The following FAS variants were observed in gnomAD, a reference collection of about 807,000 sequenced individuals.
FAS encodes tumor necrosis factor receptor superfamily member 6.
Under a neutral mutation model 33.2 loss-of-function variants are expected in FAS, and 5 were observed. The observed-to-expected ratio is 0.15, with a 90% CI of 0.08 to 0.32. The LOEUF (loss-of-function observed/expected upper bound fraction) is 0.32, where lower values mean the gene tolerates loss of function less well. Ranked by LOEUF, FAS falls within the 10% of genes least tolerant of loss-of-function variation. The pLI is 1.00. For missense variants in FAS, 339 were observed against 386.0 expected, an observed-to-expected ratio of 0.88 and a Z score of 1.02; for synonymous variants, 131 against 130.7, an observed-to-expected ratio of 1.00 and a Z score of -0.01.
At chr10:88,976,336 A>G (rs1259403541) in intron 2 of FAS, among the ~76,000 whole-genome samples, 1 of 152,248 alleles carries the variant, frequency 6.6e-6, no homozygotes. Context: ...TATAATAGAT[A>G]ACATATAATT....
chr10:88,986,412 G>A (rs545488769), upstream of FAS, among the ~76,000 whole-genome samples: 2 of 152,326 alleles, frequency 1.3e-5, no homozygotes, highest in South Asian at 2.1e-4. Flanking sequence ...TAACCCAATT[G>A]CTGTCTGCTT....
intron 2 of FAS, chr10:88,973,398 C>G: frequency 2.2e-6 from 3 of 1,365,054 alleles, no homozygotes; most frequent in Non-Finnish European, 2.9e-6. Flanking sequence ...TCATAGAGTT[C>G]CCGATGAAAA....
At chr10:89,002,756 G>A (rs1226048186) in intron 1 of FAS, 3 of 447,764 alleles carry the variant, frequency 6.7e-6, no homozygotes, top group Admixed American at 6.9e-5. Flanking sequence ...CACAAACACA[G>A]GGCAGTAAGT....
Position 89,003,177 on chromosome 10 carries a change from A to AT in FAS, c.180dup (p.Lys61Ter). 6.2e-7 allele frequency: 1 copy of AT among 1,614,136 alleles called. No homozygotes were observed. The highest frequency in any genetic ancestry group is 1.1e-5 in the South Asian group (1 of 91,088). On this transcript the variant is annotated frameshift_variant, in exon 2 of 9. Transcript: ENST00000652046. LOFTEE classifies it high-confidence loss of function. ...CTGCATCATGATGGCCAATTCTGCC[A>AT]TAAGCCCTGTCCTCCAGGTATGTTA...
chr10:88,981,740 G>T (rs938969398), upstream of FAS, among the ~76,000 whole-genome samples: 2 of 152,180 alleles, frequency 1.3e-5, no homozygotes, highest in Non-Finnish European at 2.9e-5. Context: ...AAGTAATTTA[G>T]TCCCAGTCCC....
Position 89,016,289 on chromosome 10 carries a change from T to G in FAS, c.*1839T>G, listed in dbSNP as rs1564703896. On this transcript the variant is annotated 3_prime_UTR_variant, in exon 9 of 9. Coordinates refer to ENST00000652046, the MANE Select transcript of FAS (RefSeq NM_000043.6). Reference sequence around the variant, plus strand: ...CCCTCCTGTGTTATGGTCTGGAAAGTGTCTTTAGGCAGAAAGTCTGAGTGA... The same window carrying G: ...CCCTCCTGTGTTATGGTCTGGAAAGGGTCTTTAGGCAGAAAGTCTGAGTGA... 1 of 218,084 alleles carries G rather than the reference T, an allele frequency of 4.6e-6. No individual in the cohort carries two copies. Among genetic ancestry groups the G allele is most frequent in the Admixed American group, 5.8e-5 (1 of 17,258 alleles). The allele number at this position is 218,084 out of a possible 1,614,324, so 13.5% of individuals were successfully genotyped here. A position where few individuals can be genotyped will look rare whatever the true frequency, so the allele number is the denominator to read the frequency against.
chr10:89,013,490 A>C, intron 8 of FAS, 123 bp downstream of exon 8: 1 of 932,064 alleles, frequency 1.1e-6, no homozygotes, highest in Non-Finnish European at 1.7e-6. Flanking sequence ...TTCTCATACA[A>C]TTCTACCTGC....
chr10:88,975,522 G>C (rs1432051494), intron 2 of FAS, among the ~76,000 whole-genome samples: 3 of 152,144 alleles, frequency 2.0e-5, no homozygotes, highest in African/African-American at 7.2e-5. Flanking sequence ...AGTAGAGATG[G>C]TACAGGAAGG....
intron 6 of FAS, chr10:89,011,075 A>C: frequency 1.9e-6 from 1 of 531,804 alleles, no homozygotes; most frequent in East Asian, 3.2e-5. Context: ...GCAGCAGCAG[A>C]ATTGGCCAAA....
chr10:88,970,317 A>G (rs1001727982), intron 1 of FAS, among the ~76,000 whole-genome samples: 4 of 152,160 alleles, frequency 2.6e-5, no homozygotes, highest in African/African-American at 4.8e-5. Flanking sequence ...AAATTCCAGT[A>G]AAGTCTTATT....
intron 1 of FAS, among the ~76,000 whole-genome samples, chr10:88,971,612 T>C (rs1589416570): frequency 6.6e-6 from 1 of 152,236 alleles, no homozygotes; most frequent in Non-Finnish European, 1.5e-5. Flanking sequence ...ATAAAAGTCA[T>C]AATGCCAACC....
chr10:88,964,793 T>G (rs1380788895), intron 1 of FAS, among the ~76,000 whole-genome samples: 1 of 152,180 alleles, frequency 6.6e-6, no homozygotes, highest in Non-Finnish European at 1.5e-5. Flanking sequence ...TGTTTGCAGC[T>G]GTACAAATTA....
chr10:88,979,309 G>A (rs747502667), intron 2 of FAS, among the ~76,000 whole-genome samples: 33 of 152,188 alleles, frequency 2.2e-4, no homozygotes, highest in Non-Finnish European at 4.3e-4. Flanking sequence ...CTCTGCCGCA[G>A]GGTGCCTTGC....
chr10:89,003,068 A>G lies in FAS; in HGVS notation c.70A>G (p.Asn24Asp), dbSNP rs1457691565. 6.2e-7 allele frequency: 1 copy of G among 1,614,140 alleles called. No individual in the cohort carries two copies. Among genetic ancestry groups the G allele is most frequent in the Admixed American group, 1.7e-5 (1 of 60,016 alleles). ...TGCTAGATTATCGTCCAAAAGTGTT[A>G]ATGCCCAAGTGACTGACATCAACTC... ...SVARLSSKSV[N>D]AQVTDINSKG... The change falls in exon 2 of 9, where the codon AAT becomes GAT. Residue 24 changes from asparagine to aspartate, a missense_variant. Physicochemically the swap from Asn to Asp is conservative, Grantham distance 23. Coordinates refer to ENST00000652046, the MANE Select transcript of FAS (RefSeq NM_000043.6).
At chr10:89,014,033 A>T in intron 8 of FAS, 86 bp from the exon 9 acceptor site, 3 of 1,342,730 alleles carry the variant, frequency 2.2e-6, no homozygotes, top group Non-Finnish European at 3.1e-6. Flanking sequence ...ATTCTGAAGT[A>T]CTATAAAAAG....
At chr10:88,985,941 G>A (rs771484439), upstream of FAS, among the ~76,000 whole-genome samples, 11 of 152,142 alleles carry the variant, frequency 7.2e-5, no homozygotes, top group East Asian at 3.8e-4. Context: ...CAAATATTTT[G>A]TTTCAATAGT....
upstream of FAS, among the ~76,000 whole-genome samples, chr10:88,988,431 TGTTTTG>T (rs773790874): frequency 0.15 from 16,021 of 107,028 alleles, 2,376 homozygotes; most frequent in African/African-American, 0.42. Context: ...TTTTTTTTTT[TGTTTTG>T]TTTTTTATCT....
chr10:88,972,763 TATG>T, intron 1 of FAS, among the ~76,000 whole-genome samples: 1 of 152,210 alleles, frequency 6.6e-6, no homozygotes. Context: ...CATACAATGG[TATG>T]ATTTTTACTT....
chr10:88,985,282 C>T (rs754859237), upstream of FAS, among the ~76,000 whole-genome samples: 7 of 152,160 alleles, frequency 4.6e-5, no homozygotes, highest in Non-Finnish European at 8.8e-5. Flanking sequence ...CTCTGTCCTT[C>T]ATAGGACAAG....
Sources: allele counts gnomAD v4.1 joint callset (sites outside exome capture counted in the v4.1 genomes callset), GRCh38; gene constraint gnomAD v4.1.1; transcripts MANE v1.5; gene names NCBI Gene and HGNC (gene_info 2026-07-23, HGNC 2026-07-21).